The following POTEF variants were observed in gnomAD, a reference collection of about 807,000 sequenced individuals.
POTEF encodes POTE ankyrin domain family member F, also known as ANKRD26-like family C member 1B.
A neutral mutation model predicts 83.2 loss-of-function variants in POTEF; 20 were observed. The observed-to-expected ratio is 0.24, with a 90% CI of 0.17 to 0.35. The LOEUF (loss-of-function observed/expected upper bound fraction) is 0.35. POTEF is among the 10% of genes least tolerant of loss of function. The pLI is 1.00. For synonymous variants in POTEF, 196 were observed against 446.4 expected (o/e 0.44, Z 7.07); for missense variants, 550 against 1,203.2 (o/e 0.46, Z 8.03).
intron 2 of POTEF, 177 bp from the exon 3 acceptor site, chr2:130,120,785 A>G: frequency 1.8e-6 from 1 of 569,158 alleles, no homozygotes; most frequent in South Asian, 2.1e-5. Context: ...GAAAACACCC[A>G]GCCCACCCAA....
Position 130,108,003 on chromosome 2 carries a change from T to A in POTEF, c.1126+6A>T. 6.2e-7 allele frequency: 1 copy of A among 1,608,402 alleles called. No individual in the cohort carries two copies. The highest frequency in any genetic ancestry group is 8.5e-7 in the Non-Finnish European group (1 of 1,178,892). ...GACTAAAGTAATTCACTATCACAAG[T>A]CTTACCTGGATTGCTGTTTTCAGAA... is the stretch of plus-strand genomic sequence containing the variant. On this transcript the variant is annotated splice_donor_region_variant and intron_variant, in intron 8 of 16. Transcript: ENST00000409914.
intron 7 of POTEF, among the ~76,000 whole-genome samples, 193 bp downstream of exon 7, chr2:130,110,350 C>A (rs549108925): frequency 1.3e-5 from 2 of 150,486 alleles, no homozygotes; most frequent in Non-Finnish European, 2.9e-5. Context: ...TAAAGAATCC[C>A]GCACCCATTG....
intron 3 of POTEF, among the ~76,000 whole-genome samples, 182 bp from the exon 4 acceptor site, chr2:130,115,510 G>C (rs1220866499): frequency 6.6e-6 from 1 of 152,066 alleles, no homozygotes; most frequent in Non-Finnish European, 1.5e-5. Context: ...ATTAATGAAA[G>C]GGCAGCCTAT....
intron 7 of POTEF, among the ~76,000 whole-genome samples, 189 bp downstream of exon 7, chr2:130,110,354 C>A (rs1684674936): frequency 6.6e-6 from 1 of 150,718 alleles, no homozygotes; most frequent in Non-Finnish European, 1.5e-5. Context: ...GAATCCCGCA[C>A]CCATTGGTAC....
intron 8 of POTEF, among the ~76,000 whole-genome samples, chr2:130,105,342 C>G (rs1257053043): frequency 6.6e-6 from 1 of 151,478 alleles, no homozygotes. Context: ...AGTTGAGATT[C>G]CTAACTTTAT....
At chr2:130,111,330 TTTCTC>T (rs1357352671) in intron 6 of POTEF, among the ~76,000 whole-genome samples, 3 of 151,328 alleles carry the variant, frequency 2.0e-5, no homozygotes, top group South Asian at 2.1e-4. Context: ...GCCTAGCTCT[TTTCTC>T]TTTATCACCC....
intron 15 of POTEF, among the ~76,000 whole-genome samples, chr2:130,083,021 AC>A: frequency 9.5e-6 from 1 of 105,102 alleles, no homozygotes; most frequent in South Asian, 4.0e-4. Context: ...TTTGGAAATC[AC>A]TAGCATATAC....
chr2:130,102,863 C>G (rs2336767), intron 8 of POTEF, among the ~76,000 whole-genome samples: 4 of 151,600 alleles, frequency 2.6e-5, no homozygotes, highest in Admixed American at 6.6e-5. Flanking sequence ...AAGCCAAGCC[C>G]TGTCTTTGTT....
At chr2:130,119,130 C>T (rs1684926987) in intron 3 of POTEF, among the ~76,000 whole-genome samples, 2 of 150,118 alleles carry the variant, frequency 1.3e-5, no homozygotes, top group Admixed American at 6.6e-5. Context: ...TTTTATTTGG[C>T]TTAGGTAAAA....
chr2:130,114,662 G>GT (rs1684795235), intron 5 of POTEF, among the ~76,000 whole-genome samples: 1 of 150,544 alleles, frequency 6.6e-6, no homozygotes, highest in Non-Finnish European at 1.5e-5. Context: ...TTCAAAAAAA[G>GT]TATTTACCAC....
chr2:130,105,266 A>C (rs1317624640), intron 8 of POTEF, among the ~76,000 whole-genome samples: 1 of 151,594 alleles, frequency 6.6e-6, no homozygotes, highest in Admixed American at 6.6e-5. Flanking sequence ...ACATAAAAAA[A>C]ATTAAGCAAA....
intron 15 of POTEF, among the ~76,000 whole-genome samples, chr2:130,083,631 G>A (rs1343153312): frequency 6.5e-5 from 7 of 107,942 alleles, no homozygotes; most frequent in African/African-American, 2.6e-4. Context: ...AGTTCTGGAG[G>A]AGTGCTGAAA....
chr2:130,109,025 T>C (rs1367100567), intron 7 of POTEF, among the ~76,000 whole-genome samples: 2 of 151,350 alleles, frequency 1.3e-5, no homozygotes, highest in African/African-American at 4.9e-5. Context: ...ATACTAACAA[T>C]ATATTTTGCA....
chr2:130,113,006 T>C (rs1202045622), intron 5 of POTEF, among the ~76,000 whole-genome samples: 2 of 151,436 alleles, frequency 1.3e-5, no homozygotes, highest in South Asian at 2.1e-4. Flanking sequence ...GAATAACTGA[T>C]GGTAGGAAGG....
At chr2:130,087,546 A>G (rs1385266940) in intron 13 of POTEF, among the ~76,000 whole-genome samples, 2 of 62,764 alleles carry the variant, frequency 3.2e-5, no homozygotes, top group Non-Finnish European at 5.6e-5. Flanking sequence ...TTGAAGTTAA[A>G]TATCAAATAT....
chr2:130,121,410 C>G (rs1215247006), intron 2 of POTEF, among the ~76,000 whole-genome samples: 3 of 133,132 alleles, frequency 2.3e-5, no homozygotes, highest in Non-Finnish European at 3.2e-5. Context: ...CCTGGCGGTG[C>G]TGTTGTGCAT....
At chr2:130,119,256 C>A (rs1471657164) in intron 3 of POTEF, among the ~76,000 whole-genome samples, 2 of 151,652 alleles carry the variant, frequency 1.3e-5, no homozygotes, top group East Asian at 3.9e-4. Flanking sequence ...CTCCACCTCC[C>A]GGGTTCACGC....
chr2:130,105,527 T>G (rs1684501615), intron 8 of POTEF, among the ~76,000 whole-genome samples: 1 of 151,696 alleles, frequency 6.6e-6, no homozygotes, highest in African/African-American at 2.4e-5. Flanking sequence ...CCAAATCCAA[T>G]CTGCCTTATG....
intron 7 of POTEF, 93 bp from the exon 8 acceptor site, chr2:130,108,172 A>G: frequency 1.3e-6 from 2 of 1,488,622 alleles, no homozygotes; most frequent in Non-Finnish European, 1.8e-6. Flanking sequence ...ATTTCAAACA[A>G]TATCAGAATA....
Sources: allele counts gnomAD v4.1 joint callset (sites outside exome capture counted in the v4.1 genomes callset), GRCh38; gene constraint gnomAD v4.1.1; transcripts MANE v1.5; gene names NCBI Gene and HGNC (gene_info 2026-07-23, HGNC 2026-07-21).